JAZF1: variants seen among roughly 807,000 people sequenced by gnomAD.
JAZF1 encodes JAZF zinc finger 1.
JAZF1 carries 8 observed loss-of-function variants against 26.4 expected under a neutral mutation model. The ratio of observed to expected loss-of-function variants is 0.30; its 90% CI spans 0.18 to 0.55. The LOEUF is 0.55. JAZF1 is among the 20% of genes least tolerant of loss of function. The pLI, the probability that JAZF1 is intolerant of heterozygous loss-of-function variation, is 0.94. For missense variants in JAZF1, 199 were observed against 322.0 expected (o/e 0.62, Z 2.92); for synonymous variants, 126 against 122.3 (o/e 1.03, Z -0.20).
chr7:28,046,400 C>A (rs1182120662), intron 1 of JAZF1, among the ~76,000 whole-genome samples: 2 of 152,164 alleles, frequency 1.3e-5, no homozygotes, highest in African/African-American at 2.4e-5. Flanking sequence ...CAGATGGCTG[C>A]ATGGCATTAC....
At chr7:27,964,399 C>T (rs1302151850) in intron 2 of JAZF1, among the ~76,000 whole-genome samples, 3 of 151,860 alleles carry the variant, frequency 2.0e-5, no homozygotes, top group African/African-American at 7.3e-5. Flanking sequence ...TATTATGTGG[C>T]CACTAAAACA....
At chr7:28,177,608 G>T (rs914094080) in intron 1 of JAZF1, among the ~76,000 whole-genome samples, 6 of 152,228 alleles carry the variant, frequency 3.9e-5, no homozygotes, top group African/African-American at 1.4e-4. Flanking sequence ...AATACTCACG[G>T]TTGCTAAATA....
intron 1 of JAZF1, among the ~76,000 whole-genome samples, chr7:28,065,321 C>T (rs1489519810): frequency 6.6e-6 from 1 of 150,950 alleles, no homozygotes; most frequent in Non-Finnish European, 1.5e-5. Context: ...GTGAGAGAAG[C>T]GGGGAGGCGC....
intron 1 of JAZF1, among the ~76,000 whole-genome samples, chr7:28,056,464 ACACACACACAC>A (rs1783711298): frequency 2.7e-5 from 4 of 149,426 alleles, no homozygotes; most frequent in African/African-American, 5.0e-5. Context: ...ACACACACAC[ACACACACACAC>A]AATAAGAAAG....
At chr7:27,865,191 G>A (rs907625152) in intron 3 of JAZF1, among the ~76,000 whole-genome samples, 2 of 152,130 alleles carry the variant, frequency 1.3e-5, no homozygotes, top group Non-Finnish European at 2.9e-5. Context: ...GCAACATGGT[G>A]AAATCCTGTC....
At chr7:28,133,822 T>C (rs1306280881) in intron 1 of JAZF1, among the ~76,000 whole-genome samples, 1 of 152,088 alleles carries the variant, frequency 6.6e-6, no homozygotes, top group Non-Finnish European at 1.5e-5. Flanking sequence ...TTCCAGAGAG[T>C]CCTTCACATC....
Position 27,838,405 on chromosome 7 carries a change from G to A in JAZF1, c.555+2293C>T, listed in dbSNP as rs1024337875. ...TGCTCTGCATGAGGTCTGGGAGTTC[G>A]GTACCTCATCTTCTGTCTGATCCGT... is the stretch of plus-strand genomic sequence containing the variant. On this transcript the variant is annotated intron_variant, in intron 4 of 4. Transcript: ENST00000283928. Among the ~76,000 whole-genome samples the A allele has an allele frequency of 1.3e-4, 20 of 152,120 alleles. 1 individual carries two copies. Among genetic ancestry groups the A allele is most frequent in the Admixed American group, 8.5e-4 (13 of 15,272 alleles).
intron 2 of JAZF1, among the ~76,000 whole-genome samples, chr7:27,934,248 T>A (rs1292979183): frequency 6.6e-6 from 1 of 152,208 alleles, no homozygotes; most frequent in Non-Finnish European, 1.5e-5. Context: ...CAGGTAAATG[T>A]GATCTAAATG....
At chr7:27,854,445 T>C (rs533164302) in intron 3 of JAZF1, among the ~76,000 whole-genome samples, 132 of 152,362 alleles carry the variant, frequency 8.7e-4, no homozygotes, top group African/African-American at 2.8e-3. Flanking sequence ...TGTTAGTTGA[T>C]GTAGCTTCTT....
intron 1 of JAZF1, among the ~76,000 whole-genome samples, chr7:28,099,971 A>G (rs1784446922): frequency 6.6e-6 from 1 of 152,230 alleles, no homozygotes; most frequent in Non-Finnish European, 1.5e-5. Context: ...GAGATGCACT[A>G]AACATCGTGT....
At chr7:27,894,881 A>T (rs1164443735) in intron 3 of JAZF1, among the ~76,000 whole-genome samples, 1 of 152,222 alleles carries the variant, frequency 6.6e-6, no homozygotes, top group Admixed American at 6.5e-5. Context: ...TTACAAGAGA[A>T]AACGTTCATA....
rs193098611 is a variant in JAZF1, at chr7:27,887,139, G to T, written c.385+8081C>A. ...TCGGAGGGTGGAGGGTAAAGGGTGGGAGGAGGGAGAGGATCAGGAAAAATA... is the reference window on the plus strand; with the variant it reads ...TCGGAGGGTGGAGGGTAAAGGGTGGTAGGAGGGAGAGGATCAGGAAAAATA... On this transcript the variant is annotated intron_variant, in intron 3 of 4. Coordinates refer to ENST00000283928, the MANE Select transcript of JAZF1 (RefSeq NM_175061.4). Among the ~76,000 whole-genome samples the T allele has an allele frequency of 1.5e-4, 23 of 152,216 alleles. No homozygotes were observed. In the East Asian group the frequency reaches 4.4e-3, roughly 29 times the overall value.
chr7:27,848,800 A>G (rs1783077196), intron 3 of JAZF1, among the ~76,000 whole-genome samples: 2 of 152,170 alleles, frequency 1.3e-5, no homozygotes, highest in Non-Finnish European at 2.9e-5. Flanking sequence ...AAATTCTGGC[A>G]CTTGTCTTTA....
intron 3 of JAZF1, among the ~76,000 whole-genome samples, chr7:27,889,991 C>T (rs771876085): frequency 2.0e-5 from 3 of 151,510 alleles, no homozygotes; most frequent in Non-Finnish European, 4.4e-5. Context: ...TGGATTTTCT[C>T]GTGTAACAAG....
chr7:28,078,776 G>C (rs1784093075), intron 1 of JAZF1, among the ~76,000 whole-genome samples: 1 of 152,168 alleles, frequency 6.6e-6, no homozygotes, highest in Non-Finnish European at 1.5e-5. Context: ...CAGATCAGTT[G>C]AGTATTGGTG....
intron 2 of JAZF1, among the ~76,000 whole-genome samples, chr7:27,982,839 A>G (rs1218221229): frequency 1.3e-5 from 2 of 152,150 alleles, no homozygotes; most frequent in Non-Finnish European, 2.9e-5. Flanking sequence ...GGGTCTGGAG[A>G]GGACCTCCAG....
intron 1 of JAZF1, among the ~76,000 whole-genome samples, chr7:28,142,607 C>T (rs191886602): frequency 6.6e-6 from 1 of 152,304 alleles, no homozygotes; most frequent in Non-Finnish European, 1.5e-5. Context: ...GCACAAAGGA[C>T]GCTGCAGTAA....
intron 2 of JAZF1, among the ~76,000 whole-genome samples, chr7:27,942,808 T>G (rs1296750670): frequency 6.6e-6 from 1 of 152,174 alleles, no homozygotes; most frequent in Non-Finnish European, 1.5e-5. Flanking sequence ...CAACAATAAG[T>G]GCCTTTTTGG....
intron 1 of JAZF1, among the ~76,000 whole-genome samples, chr7:28,050,909 G>A (rs113386171): frequency 2.6e-4 from 40 of 152,110 alleles, no homozygotes; most frequent in Admixed American, 1.2e-3. Flanking sequence ...CGAGGCGGGC[G>A]GATCACAAGG....
Sources: allele counts gnomAD v4.1 joint callset (sites outside exome capture counted in the v4.1 genomes callset), GRCh38; gene constraint gnomAD v4.1.1; transcripts MANE v1.5; gene names NCBI Gene and HGNC (gene_info 2026-07-23, HGNC 2026-07-21).